The following ABHD2 variants were observed in gnomAD, a reference collection of about 807,000 sequenced individuals.
ABHD2 encodes the protein abhydrolase domain containing 2, acylglycerol lipase, also known as monoacylglycerol lipase ABHD2.
ABHD2 carries 20 observed loss-of-function variants against 48.1 expected under a neutral mutation model. That is an observed-to-expected ratio of 0.42 (90% CI 0.29 to 0.60). The LOEUF (loss-of-function observed/expected upper bound fraction) is 0.60, where lower values mean the gene tolerates loss of function less well. Ranked by LOEUF, ABHD2 falls within the 20% of genes least tolerant of loss-of-function variation. The probability of loss-of-function intolerance (pLI) is 0.24; values close to 1 mark genes in which losing one functional copy is unlikely to be tolerated. For missense variants in ABHD2, 405 were observed against 550.9 expected (o/e 0.74, Z 2.65); for synonymous variants, 209 against 214.2 (o/e 0.98, Z 0.21).
rs577582483 is a variant in ABHD2 at position 89,175,741 on chromosome 15, G to T, written c.539-71G>T. 1.3e-6 allele frequency: 2 copies of T among 1,547,040 alleles called. No homozygotes were observed. ...AGTATACTGGCACCCATTTAGTAAC[G>T]TTCCAGCTTGCATTTTCTCCAGATA... On this transcript the variant is annotated intron_variant, in intron 5 of 10. Coordinates refer to ENST00000352732, the MANE Select transcript of ABHD2 (RefSeq NM_152924.5). This position sits in a 1 kb window ranked among gnomAD's most constrained non-coding sequence, Gnocchi z 5.7.
intron 3 of ABHD2, among the ~76,000 whole-genome samples, chr15:89,133,544 A>G (rs2050253375): frequency 2.0e-5 from 3 of 152,196 alleles, no homozygotes; most frequent in Admixed American, 6.5e-5. Flanking sequence ...ATATTTGCCA[A>G]TCTGGTAGGT....
At position 89,116,464 on chromosome 15, in the gene ABHD2, T is replaced by A; in HGVS notation, c.137T>A (p.Phe46Tyr). The A allele has an allele frequency of 1.9e-6, 3 of 1,614,248 alleles. No homozygotes were observed. The highest frequency in any genetic ancestry group is 2.5e-6 in the Non-Finnish European group (3 of 1,180,050). The change falls in exon 3 of 11, where the codon TTC (phenylalanine) becomes TAC (tyrosine). Residue 46 changes from phenylalanine to tyrosine, a missense_variant. Transcript: ENST00000352732. The surrounding 1 kb of genome is among the most constrained non-coding windows in gnomAD (Gnocchi z 4.6). ...KSPTAPPDLY[F>Y]QDSGLSRFLL... Reference sequence around the variant, plus strand: ...CCCACAGCCCCACCTGACCTCTACTTCCAGGACTCGGGGCTCTCACGCTTT... The same window carrying A: ...CCCACAGCCCCACCTGACCTCTACTACCAGGACTCGGGGCTCTCACGCTTT...
intron 1 of ABHD2, among the ~76,000 whole-genome samples, chr15:89,093,173 C>CTTTTTTTTTT (rs71149272): frequency 1.7e-4 from 12 of 71,770 alleles, no homozygotes; most frequent in East Asian, 8.3e-4. Context: ...TTTTTTCATT[C>CTTTTTTTTTT]TTTTTTTTTT....
At position 89,185,364 on chromosome 15, in the gene ABHD2, C is replaced by A. The variant is rs1250449635; in HGVS notation, c.723-60C>A. On this transcript the variant is annotated intron_variant, in intron 6 of 10. Transcript: ENST00000352732. This position sits in a 1 kb window ranked among gnomAD's most constrained non-coding sequence, Gnocchi z 5.9. ...CCTCACCCCATGGCTAGAGCCCCCT[C>A]CTGGCTGCCCGCCTGCACCCCCACA... The A allele has an allele frequency of 7.0e-7, 1 of 1,429,864 alleles. No homozygotes were observed. The highest frequency in any genetic ancestry group is 9.8e-7 in the Non-Finnish European group (1 of 1,016,908). The allele number at this position is 1,429,864 out of a possible 1,614,324, so 88.6% of individuals were successfully genotyped here.
intron 6 of ABHD2, among the ~76,000 whole-genome samples, chr15:89,181,228 C>CAAAAAAAAAAAAAAA (rs61411388): frequency 1.4e-5 from 1 of 69,162 alleles, no homozygotes; most frequent in African/African-American, 6.1e-5. Context: ...GACTCTGTCT[C>CAAAAAAAAAAAAAAA]AAAAAAAAAA....
At chr15:89,077,089 G>T in the ABHD2 span, among the ~76,000 whole-genome samples, 1 of 152,106 alleles carries the variant, frequency 6.6e-6, no homozygotes, top group African/African-American at 2.4e-5. Flanking sequence ...ACACACCTGT[G>T]TAACCACCAC....
chr15:89,062,437 T>G, the ABHD2 span, among the ~76,000 whole-genome samples: 1 of 152,110 alleles, frequency 6.6e-6, no homozygotes, highest in East Asian at 1.9e-4. Context: ...CAGCCTGTAG[T>G]GCAGTGGTGT....
Position 89,116,741 on chromosome 15 carries a change from G to T in ABHD2, c.194+220G>T, listed in dbSNP as rs1389410511. ...TGCCTGAAACATTCCTTCCTCTACA[G>T]TGTGATGTCATTATCCATGACAGGG... On this transcript the variant is annotated intron_variant, in intron 3 of 10. Coordinates refer to ENST00000352732, the MANE Select transcript of ABHD2 (RefSeq NM_152924.5). This position sits in a 1 kb window ranked among gnomAD's most constrained non-coding sequence, Gnocchi z 4.6. 1.3e-5 allele frequency among the ~76,000 whole-genome samples: 2 copies of T among 152,192 alleles called. No homozygotes were observed. Among genetic ancestry groups the T allele is most frequent in the Non-Finnish European group, 2.9e-5 (2 of 68,036 alleles).
chr15:89,052,664 G>T, the ABHD2 span, among the ~76,000 whole-genome samples: 1 of 151,956 alleles, frequency 6.6e-6, no homozygotes, highest in Non-Finnish European at 1.5e-5. Flanking sequence ...TCGAAAGATT[G>T]CCTGCAAACC....
At chr15:89,069,234 C>T in the ABHD2 span, among the ~76,000 whole-genome samples, 1 of 150,808 alleles carries the variant, frequency 6.6e-6, no homozygotes, top group South Asian at 2.1e-4. Context: ...CACAAGCAAT[C>T]CTCCTGTCTC....
chr15:89,145,996 G>A (rs2050485040), intron 3 of ABHD2, among the ~76,000 whole-genome samples: 1 of 152,278 alleles, frequency 6.6e-6, no homozygotes, highest in Admixed American at 6.5e-5. Flanking sequence ...AACTTCAAAT[G>A]CTGAGGAGTA....
rs2051376390 is a variant in ABHD2, at chr15:89,195,131, G to A, written c.1082-96G>A. The A allele has an allele frequency of 7.0e-7, 1 of 1,428,178 alleles. No homozygotes were observed. Among genetic ancestry groups the A allele is most frequent in the South Asian group, 1.3e-5 (1 of 75,164 alleles). 88.5% of individuals were successfully genotyped at this position (1,428,178 alleles called of 1,614,324 possible). On this transcript the variant is annotated intron_variant, in intron 10 of 10. Transcript: ENST00000352732. The surrounding 1 kb of genome is among the most constrained non-coding windows in gnomAD (Gnocchi z 5.1). The stretch of plus-strand genomic sequence containing the variant: ...GGATGCCCACTTAGGTGACCCTGCG[G>A]GGACAGCCAGGCTACCCTAGCCAGC...
the ABHD2 span, among the ~76,000 whole-genome samples, chr15:89,049,426 G>T: frequency 4.7e-4 from 71 of 152,268 alleles, no homozygotes; most frequent in Non-Finnish European, 9.3e-4. Flanking sequence ...CCCTGTTCGA[G>T]CTTCCTGGCT....
chr15:89,086,301 A>G (rs1055336934), upstream of ABHD2, among the ~76,000 whole-genome samples: 2 of 152,260 alleles, frequency 1.3e-5, no homozygotes, highest in Non-Finnish European at 2.9e-5. Flanking sequence ...TGCTGGGATT[A>G]CAGGCTTGAG....
intron 3 of ABHD2, among the ~76,000 whole-genome samples, chr15:89,138,568 A>G (rs1466499060): frequency 1.3e-5 from 2 of 152,244 alleles, no homozygotes; most frequent in Non-Finnish European, 2.9e-5. Flanking sequence ...CTGCAGAAAA[A>G]AACTCCTCTA....
intron 6 of ABHD2, among the ~76,000 whole-genome samples, chr15:89,181,735 T>C (rs777493646): frequency 2.6e-5 from 4 of 152,240 alleles, no homozygotes; most frequent in Non-Finnish European, 5.9e-5. Flanking sequence ...CTGACTTTAA[T>C]TCGTTTTCAT....
rs192464076 is a variant in ABHD2, at chr15:89,173,338, G to A, written c.539-2474G>A. Among the ~76,000 whole-genome samples the A allele has an allele frequency of 2.0e-5, 3 of 152,206 alleles. No individual in the cohort carries two copies. The highest frequency in any genetic ancestry group is 2.1e-4 in the South Asian group (1 of 4,820). ...CTGTAATCCCAGCACTTTGGGAGGC[G>A]GAGGCAGGCAGATCACCTGAGGTCA... On this transcript the variant is annotated intron_variant, in intron 5 of 10. Transcript: ENST00000352732. This position sits in a 1 kb window ranked among gnomAD's most constrained non-coding sequence, Gnocchi z 6.5.
In ABHD2 at chr15:89,175,998, G is replaced by A. The variant is rs941634316; in HGVS notation, c.722+3G>A. On this transcript the variant is annotated splice_donor_region_variant and intron_variant, in intron 6 of 10. Transcript: ENST00000352732. The surrounding 1 kb of genome is among the most constrained non-coding windows in gnomAD (Gnocchi z 5.7). Reference sequence around the variant, plus strand: ...TGCCAGGGGTACAGTGCACTGAGGTGAGTCATCTCCGCCTTCCATCAGGGC... The same window carrying A: ...TGCCAGGGGTACAGTGCACTGAGGTAAGTCATCTCCGCCTTCCATCAGGGC... The A allele has an allele frequency of 6.3e-7, 1 of 1,589,210 alleles. No homozygotes were observed. The highest frequency in any genetic ancestry group is 1.8e-5 in the Admixed American group (1 of 55,226).
At chr15:89,138,378 T>C (rs1252701762) in intron 3 of ABHD2, among the ~76,000 whole-genome samples, 2 of 152,212 alleles carry the variant, frequency 1.3e-5, no homozygotes, top group African/African-American at 4.8e-5. Context: ...GGTAAAAATG[T>C]ATCCCCAAAT....
Sources: allele counts gnomAD v4.1 joint callset (sites outside exome capture counted in the v4.1 genomes callset), GRCh38; gene constraint gnomAD v4.1.1; non-coding constraint Gnocchi (gnomAD v3.1); transcripts MANE v1.5; gene names NCBI Gene and HGNC (gene_info 2026-07-23, HGNC 2026-07-21).